The following GPAM variants were observed in gnomAD, a reference collection of about 807,000 sequenced individuals.
GPAM encodes glycerol-3-phosphate acyltransferase, mitochondrial, also known as glycerol-3-phosphate acyltransferase 1, mitochondrial.
Under a neutral mutation model 105.0 loss-of-function variants are expected in GPAM, and 56 were observed. The observed-to-expected ratio is 0.53, with a 90% CI of 0.43 to 0.67. The LOEUF is 0.67. Ranked by LOEUF, GPAM falls within the 30% of genes least tolerant of loss-of-function variation. GPAM has a pLI of 0.00. For synonymous variants in GPAM, 368 were observed against 354.4 expected (o/e 1.04, Z -0.43); for missense variants, 855 against 989.8 (o/e 0.86, Z 1.83).
chr10:112,162,310 T>C (rs193299746), intron 14 of GPAM, among the ~76,000 whole-genome samples: 15 of 152,208 alleles, frequency 9.9e-5, no homozygotes, highest in Admixed American at 7.9e-4. Context: ...AAAATGAAAA[T>C]CCTACCTAGC....
At chr10:112,216,404 A>C (rs181232246), upstream of GPAM, among the ~76,000 whole-genome samples, 366 of 152,258 alleles carry the variant, frequency 2.4e-3, 1 homozygote, top group Non-Finnish European at 4.0e-3. Flanking sequence ...CAGTGGAACC[A>C]ATGGCAGGGA....
intron 5 of GPAM, among the ~76,000 whole-genome samples, chr10:112,176,237 T>C (rs1268321852): frequency 6.6e-6 from 1 of 152,202 alleles, no homozygotes; most frequent in Admixed American, 6.5e-5. Context: ...AAGTCAAGCA[T>C]GATCTAAATA....
At chr10:112,191,155 T>C (rs1749844229) in intron 1 of GPAM, among the ~76,000 whole-genome samples, 2 of 152,172 alleles carry the variant, frequency 1.3e-5, no homozygotes, top group African/African-American at 4.8e-5. Context: ...CAAGACATAG[T>C]GTTCAAAGAA....
intron 9 of GPAM, 61 bp from the exon 10 acceptor site, chr10:112,169,013 C>T (rs766985454): frequency 9.0e-7 from 1 of 1,108,470 alleles, no homozygotes; most frequent in Non-Finnish European, 1.4e-6. Flanking sequence ...TACTCACATT[C>T]CAAGTTAATT....
chr10:112,167,346 T>A (rs1847236008), intron 11 of GPAM, among the ~76,000 whole-genome samples: 2 of 152,170 alleles, frequency 1.3e-5, no homozygotes, highest in African/African-American at 4.8e-5. Flanking sequence ...GATAAAGTGG[T>A]TGGCAGTACC....
chr10:112,204,254 C>CTTT (rs59433956), intron 1 of GPAM, among the ~76,000 whole-genome samples: 1 of 132,514 alleles, frequency 7.5e-6, no homozygotes, highest in African/African-American at 2.8e-5. Flanking sequence ...TTTCTTTGTT[C>CTTT]TTTTTTTTTT....
chr10:112,150,358 C>T lies in GPAM; in HGVS notation c.*3192G>A, dbSNP rs569201979. 4.1e-6 allele frequency: 4 copies of T among 984,848 alleles called. No individual in the cohort carries two copies. The highest frequency in any genetic ancestry group is 4.8e-6 in the Non-Finnish European group (4 of 829,018). The allele number at this position is 984,848 out of a possible 1,614,324, so 61.0% of individuals were successfully genotyped here. A position where few individuals can be genotyped will look rare whatever the true frequency, so the allele number is the denominator to read the frequency against. On this transcript the variant is annotated 3_prime_UTR_variant, in exon 22 of 22. Transcript: ENST00000348367. ...CCCAATTCATCCATGTATTCTGATA[C>T]GTTCAGTGAAAAAGCCAGGATCATT...
chr10:112,177,848 T>A, intron 5 of GPAM, 136 bp downstream of exon 5: 1 of 615,834 alleles, frequency 1.6e-6, no homozygotes, highest in East Asian at 2.9e-5. Flanking sequence ...AATTTTCAGA[T>A]AATCTCTCTT....
chr10:112,175,470 G>A, intron 6 of GPAM, 130 bp downstream of exon 6: 1 of 697,100 alleles, frequency 1.4e-6, no homozygotes, highest in Non-Finnish European at 2.6e-6. Context: ...AACATTTAAT[G>A]TTTGGAAATG....
intron 5 of GPAM, among the ~76,000 whole-genome samples, chr10:112,175,928 G>T (rs1401654353): frequency 6.6e-6 from 1 of 152,100 alleles, no homozygotes; most frequent in African/African-American, 2.4e-5. Flanking sequence ...TGGAATTTGT[G>T]TATTAATGTT....
At chr10:112,153,775 C>T (rs776665288) in intron 21 of GPAM, 109 bp from the exon 22 acceptor site, 6 of 1,255,990 alleles carry the variant, frequency 4.8e-6, no homozygotes, top group Middle Eastern at 5.4e-4. Flanking sequence ...AGTAAAGGCA[C>T]AAAAAACCAT....
At chr10:112,158,427 C>G (rs1847057780) in intron 17 of GPAM, 34 bp from the exon 18 acceptor site, 2 of 1,253,434 alleles carry the variant, frequency 1.6e-6, no homozygotes, top group East Asian at 4.6e-5. Context: ...ATAAATGCCA[C>G]CATTTTATAC....
chr10:112,164,285 T>A (rs562942293), intron 13 of GPAM, among the ~76,000 whole-genome samples: 2 of 152,270 alleles, frequency 1.3e-5, no homozygotes, highest in Middle Eastern at 6.8e-3. Flanking sequence ...TCAAAAAGCA[T>A]AAATCAATTA....
chr10:112,215,298 G>C (rs1233859721), exon 1 of GPAM: 1 of 152,246 alleles, frequency 6.6e-6, no homozygotes, highest in African/African-American at 2.4e-5. Flanking sequence ...CTGGGTGCCT[G>C]TTTGCACGGC....
intron 1 of GPAM, among the ~76,000 whole-genome samples, chr10:112,198,109 C>A (rs1847747435): frequency 6.6e-6 from 1 of 152,168 alleles, no homozygotes; most frequent in African/African-American, 2.4e-5. Context: ...ATAGTACCTA[C>A]TTTATAGTAC....
At chr10:112,185,557 AAC>A (rs1444662128), upstream of GPAM, among the ~76,000 whole-genome samples, 4 of 139,028 alleles carry the variant, frequency 2.9e-5, no homozygotes, top group Non-Finnish European at 4.6e-5. Context: ...TTAACACCCT[AAC>A]ACACACACAC....
At chr10:112,195,737 A>G (rs1847716054) in intron 1 of GPAM, among the ~76,000 whole-genome samples, 1 of 152,186 alleles carries the variant, frequency 6.6e-6, no homozygotes, top group Non-Finnish European at 1.5e-5. Flanking sequence ...GATGCTCAAT[A>G]TCTATTTGTT....
At chr10:112,189,820 A>G (rs1589603107) in intron 1 of GPAM, among the ~76,000 whole-genome samples, 5 of 151,852 alleles carry the variant, frequency 3.3e-5, no homozygotes, top group African/African-American at 9.7e-5. Flanking sequence ...CGAATCACAC[A>G]CCTCTGGATT....
At chr10:112,165,963 G>T (rs1265434425) in intron 12 of GPAM, among the ~76,000 whole-genome samples, 1 of 151,888 alleles carries the variant, frequency 6.6e-6, no homozygotes, top group Non-Finnish European at 1.5e-5. Flanking sequence ...ATAAAATCAG[G>T]GTAATTGGGA....
Sources: gnomAD v4.1 joint callset for allele counts (sites outside exome capture counted in the v4.1 genomes callset) on GRCh38, gnomAD v4.1.1 for gene constraint, MANE v1.5 for transcripts, NCBI Gene and HGNC (gene_info 2026-07-23, HGNC 2026-07-21) for gene names.